TRAPPC9: variants seen among roughly 807,000 people sequenced by gnomAD.
The protein encoded by TRAPPC9 is trafficking protein particle complex subunit 9, also known as IKK2 binding protein.
TRAPPC9 carries 83 observed loss-of-function variants against 124.0 expected under a neutral mutation model. The observed-to-expected ratio is 0.67, with a 90% CI of 0.56 to 0.80. The LOEUF (loss-of-function observed/expected upper bound fraction) is 0.80, where lower values mean the gene tolerates loss of function less well. TRAPPC9 is among the 30% of genes least tolerant of loss of function. TRAPPC9 has a pLI of 0.00. For missense variants in TRAPPC9, 1,302 were observed against 1,508.3 expected, an observed-to-expected ratio of 0.86 and a Z score of 2.27; for synonymous variants, 638 against 617.5, an observed-to-expected ratio of 1.03 and a Z score of -0.49.
At chr8:140,448,145 CAAAAAAA>C (rs56941791) in intron 2 of TRAPPC9, among the ~76,000 whole-genome samples, 5 of 90,106 alleles carry the variant, frequency 5.5e-5, no homozygotes, top group Non-Finnish European at 1.1e-4. Context: ...GACACCATCT[CAAAAAAA>C]AAAAAAAAAA....
intron 3 of TRAPPC9, among the ~76,000 whole-genome samples, chr8:140,438,786 G>C (rs2070907097): frequency 6.6e-6 from 1 of 152,092 alleles, no homozygotes; most frequent in South Asian, 2.1e-4. Context: ...TCTGCCTCCT[G>C]GTTCAAGAAA....
intron 17 of TRAPPC9, among the ~76,000 whole-genome samples, chr8:140,050,376 T>C (rs1430502778): frequency 2.0e-5 from 3 of 152,228 alleles, no homozygotes; most frequent in Admixed American, 1.3e-4. Context: ...TGCTGAGCGA[T>C]GTGCACACAC....
intron 10 of TRAPPC9, among the ~76,000 whole-genome samples, chr8:140,306,271 G>A (rs999195988): frequency 3.9e-5 from 6 of 152,014 alleles, no homozygotes; most frequent in Admixed American, 3.3e-4. Context: ...CAAGGCGGGT[G>A]GATCATGAGG....
At chr8:140,123,143 C>A (rs1420733712) in intron 17 of TRAPPC9, among the ~76,000 whole-genome samples, 1 of 152,082 alleles carries the variant, frequency 6.6e-6, no homozygotes, top group African/African-American at 2.4e-5. Flanking sequence ...CAGGCTTCCC[C>A]ATCTCAGTAA....
At chr8:140,239,806 T>C (rs1040117219) in intron 16 of TRAPPC9, among the ~76,000 whole-genome samples, 1 of 152,182 alleles carries the variant, frequency 6.6e-6, no homozygotes, top group African/African-American at 2.4e-5. Context: ...GAAAAAGAAA[T>C]ATTATGGCAT....
At chr8:140,086,058 C>T (rs1844164096) in intron 17 of TRAPPC9, among the ~76,000 whole-genome samples, 1 of 152,148 alleles carries the variant, frequency 6.6e-6, no homozygotes, top group Non-Finnish European at 1.5e-5. Context: ...ACTTTCCCCA[C>T]CTGAAGCAGA....
At chr8:140,171,939 G>A (rs921430853) in intron 17 of TRAPPC9, among the ~76,000 whole-genome samples, 8 of 152,316 alleles carry the variant, frequency 5.3e-5, no homozygotes, top group Admixed American at 2.0e-4. Flanking sequence ...ATCTGGCGGC[G>A]TGAGGAGGGC....
intron 17 of TRAPPC9, among the ~76,000 whole-genome samples, chr8:140,119,922 C>G (rs2060954134): frequency 6.6e-6 from 1 of 152,228 alleles, no homozygotes; most frequent in Non-Finnish European, 1.5e-5. Context: ...CTACTTCCTT[C>G]TATACACATC....
intron 20 of TRAPPC9, among the ~76,000 whole-genome samples, chr8:139,888,003 AC>A: frequency 6.6e-6 from 1 of 152,294 alleles, no homozygotes; most frequent in East Asian, 1.9e-4. Context: ...TGCACCTGAC[AC>A]CCGTGGGCCT....
Position 140,430,071 on chromosome 8 carries a change from C to T in TRAPPC9, c.860-3430G>A, listed in dbSNP as rs138357358. ...CTGAGGCAGGAGAATCACTCGAACC[C>T]GGGACGCAGAGGTTGCAGTGAGCCG... is the stretch of plus-strand genomic sequence containing the variant. On this transcript the variant is annotated intron_variant, in intron 4 of 22. Transcript: ENST00000438773. Among the ~76,000 whole-genome samples, 557 of 150,652 alleles carry T rather than the reference C, an allele frequency of 3.7e-3. 5 individuals carry two copies. The highest frequency in any genetic ancestry group is 0.013 in the African/African-American group (522 of 40,932).
At chr8:139,917,230 G>A (rs1832209944) in intron 19 of TRAPPC9, among the ~76,000 whole-genome samples, 1 of 140,358 alleles carries the variant, frequency 7.1e-6, no homozygotes, top group African/African-American at 2.7e-5. Context: ...ACGGAGTGCA[G>A]TGGCGCGATC....
chr8:139,728,403 G>C lies in TRAPPC9; in HGVS notation c.*2658C>G, dbSNP rs1817657478. On this transcript the variant is annotated 3_prime_UTR_variant, in exon 23 of 23. Coordinates refer to ENST00000438773, the MANE Select transcript of TRAPPC9 (RefSeq NM_001160372.4). ...CTTCAGGAGGTTTCTGAATGCACCA[G>C]GGGCCTAGAGAAGCAGCAACTGCTG... Among the ~76,000 whole-genome samples, 1 of 152,218 alleles carries C rather than the reference G, an allele frequency of 6.6e-6. No individual in the cohort carries two copies. The highest frequency in any genetic ancestry group is 2.4e-5 in the African/African-American group (1 of 41,450).
At chr8:140,341,572 G>A (rs1235546855) in intron 9 of TRAPPC9, among the ~76,000 whole-genome samples, 2 of 151,776 alleles carry the variant, frequency 1.3e-5, no homozygotes, top group Non-Finnish European at 2.9e-5. Flanking sequence ...ATCAAAGGCT[G>A]TTCTCCTCAG....
chr8:140,047,779 G>A (rs893022762), intron 17 of TRAPPC9, among the ~76,000 whole-genome samples: 10 of 152,248 alleles, frequency 6.6e-5, no homozygotes, highest in African/African-American at 2.4e-4. Flanking sequence ...AGCCCGGGCT[G>A]GCTGGCTCTA....
chr8:140,023,883 G>C, intron 18 of TRAPPC9, 54 bp downstream of exon 18: 1 of 1,612,360 alleles, frequency 6.2e-7, no homozygotes, highest in Non-Finnish European at 8.5e-7. Flanking sequence ...GATTCTGAAC[G>C]TAGTGCTGTT....
At chr8:139,750,613 T>C (rs1042365128) in intron 21 of TRAPPC9, among the ~76,000 whole-genome samples, 1 of 152,194 alleles carries the variant, frequency 6.6e-6, no homozygotes, top group Non-Finnish European at 1.5e-5. Flanking sequence ...CCCCCAAAGC[T>C]GGCTTGTGGC....
intron 19 of TRAPPC9, among the ~76,000 whole-genome samples, chr8:139,981,167 G>T (rs1836866006): frequency 6.6e-6 from 1 of 152,142 alleles, no homozygotes; most frequent in Admixed American, 6.5e-5. Context: ...AGCCATCTGG[G>T]TTTGTATCAG....
intron 21 of TRAPPC9, among the ~76,000 whole-genome samples, chr8:139,817,456 G>A (rs977127064): frequency 6.6e-6 from 1 of 152,182 alleles, no homozygotes; most frequent in Non-Finnish European, 1.5e-5. Context: ...GGAGCAGGAT[G>A]AGTCTGCGAT....
At chr8:139,748,775 C>T (rs940753571) in intron 21 of TRAPPC9, among the ~76,000 whole-genome samples, 9 of 152,072 alleles carry the variant, frequency 5.9e-5, no homozygotes, top group Admixed American at 5.9e-4. Flanking sequence ...TGTGTGCCAC[C>T]TAGAAGGGCA....
Sources: gnomAD v4.1 joint callset for allele counts (sites outside exome capture counted in the v4.1 genomes callset) on GRCh38, gnomAD v4.1.1 for gene constraint, MANE v1.5 for transcripts, NCBI Gene and HGNC (gene_info 2026-07-23, HGNC 2026-07-21) for gene names.